Variants in CDH18 observed in about 807,000 individuals in gnomAD.
CDH18 encodes the protein cadherin-18.
A neutral mutation model predicts 67.9 loss-of-function variants in CDH18; 31 were observed. That is an observed-to-expected ratio of 0.46 (90% CI 0.34 to 0.62). CDH18 has a LOEUF of 0.62. Among genes scored for constraint, CDH18 ranks in the 20% least tolerant of loss-of-function variants. CDH18 has a pLI of 0.01. For missense variants in CDH18, 890 were observed against 975.5 expected, an observed-to-expected ratio of 0.91 and a Z score of 1.17; for synonymous variants, 362 against 347.2, an observed-to-expected ratio of 1.04 and a Z score of -0.48.
intron 3 of CDH18, among the ~76,000 whole-genome samples, chr5:19,775,236 A>G (rs531310684): frequency 4.6e-4 from 70 of 152,326 alleles, no homozygotes; most frequent in African/African-American, 1.5e-3. Context: ...CCAACATTGG[A>G]GAAAGAGTTG....
chr5:20,339,793 C>G (rs1317932211), intron 1 of CDH18, among the ~76,000 whole-genome samples: 2 of 152,140 alleles, frequency 1.3e-5, no homozygotes, highest in Non-Finnish European at 2.9e-5. Flanking sequence ...TATATAGAAG[C>G]TTTCCAGAAC....
At chr5:19,584,132 G>C (rs1743714970) in intron 7 of CDH18, among the ~76,000 whole-genome samples, 1 of 152,196 alleles carries the variant, frequency 6.6e-6, no homozygotes, top group Non-Finnish European at 1.5e-5. Flanking sequence ...AGAGGTTTAT[G>C]TCAGAGGAAA....
chr5:20,365,878 T>C (rs1313844354), intron 1 of CDH18, among the ~76,000 whole-genome samples: 2 of 152,196 alleles, frequency 1.3e-5, no homozygotes, highest in Non-Finnish European at 2.9e-5. Context: ...TTTCAAGGCA[T>C]CATTTTGCTA....
chr5:19,702,500 T>TCACAC (rs1371848615), intron 5 of CDH18, among the ~76,000 whole-genome samples: 3 of 149,938 alleles, frequency 2.0e-5, no homozygotes, highest in Non-Finnish European at 3.0e-5. Flanking sequence ...GCGTGGTGGC[T>TCACAC]CACACCTGTA....
At chr5:19,826,864 T>A (rs1485069637) in intron 3 of CDH18, among the ~76,000 whole-genome samples, 1 of 152,100 alleles carries the variant, frequency 6.6e-6, no homozygotes, top group East Asian at 1.9e-4. Context: ...AATGACAGGA[T>A]GAAACCTGCA....
chr5:19,757,260 G>C (rs1771728081), intron 3 of CDH18, among the ~76,000 whole-genome samples: 1 of 152,172 alleles, frequency 6.6e-6, no homozygotes. Context: ...CAGAGTAAGT[G>C]TCTATTCCAG....
chr5:19,506,844 G>A (rs1243778754), intron 10 of CDH18, among the ~76,000 whole-genome samples: 1 of 152,182 alleles, frequency 6.6e-6, no homozygotes, highest in Non-Finnish European at 1.5e-5. Context: ...ATAGGCATGG[G>A]CAAGGACTTC....
At chr5:20,462,561 T>C (rs1352090146) in intron 1 of CDH18, among the ~76,000 whole-genome samples, 2 of 152,218 alleles carry the variant, frequency 1.3e-5, no homozygotes, top group African/African-American at 4.8e-5. Flanking sequence ...ATACCCTGAC[T>C]TGATAATTAT....
chr5:19,861,237 G>T (rs920676375), intron 2 of CDH18, among the ~76,000 whole-genome samples: 27 of 151,970 alleles, frequency 1.8e-4, no homozygotes, highest in Admixed American at 1.2e-3. Context: ...TTAACTATTG[G>T]ACTTTAATTT....
At chr5:20,111,507 TTCCC>T (rs1213839152) in intron 2 of CDH18, among the ~76,000 whole-genome samples, 4,527 of 145,644 alleles carry the variant, frequency 0.031, 283 homozygotes, top group African/African-American at 0.11. Flanking sequence ...TCTTCCTTCC[TTCCC>T]TCCCTCCCTC....
chr5:19,523,972 ATG>A (rs1335801851), intron 9 of CDH18, among the ~76,000 whole-genome samples: 1 of 152,096 alleles, frequency 6.6e-6, no homozygotes, highest in African/African-American at 2.4e-5. Context: ...GTTCTCAGAA[ATG>A]TGTCAGAAGA....
At chr5:20,311,079 C>T (rs1273962201) in intron 1 of CDH18, among the ~76,000 whole-genome samples, 1 of 151,834 alleles carries the variant, frequency 6.6e-6, no homozygotes, top group Non-Finnish European at 1.5e-5. Context: ...CACCCCTGAC[C>T]CTTAAAAAAC....
chr5:19,775,532 A>G (rs1430171854), intron 3 of CDH18, among the ~76,000 whole-genome samples: 1 of 151,650 alleles, frequency 6.6e-6, no homozygotes, highest in African/African-American at 2.4e-5. Context: ...CAGGAGCGAG[A>G]GAAAGACAGT....
intron 3 of CDH18, among the ~76,000 whole-genome samples, chr5:19,813,932 G>A (rs2149909605): frequency 6.6e-6 from 1 of 151,642 alleles, no homozygotes; most frequent in Middle Eastern, 3.4e-3. Context: ...AGTCTATTGA[G>A]AACAAATAAA....
At chr5:20,232,135 C>G (rs921873280) in intron 2 of CDH18, among the ~76,000 whole-genome samples, 1 of 151,786 alleles carries the variant, frequency 6.6e-6, no homozygotes, top group African/African-American at 2.4e-5. Context: ...TCATTCCTCA[C>G]ATTTTTGTTT....
chr5:19,978,205 T>C (rs1187535329), intron 2 of CDH18, among the ~76,000 whole-genome samples: 2 of 152,140 alleles, frequency 1.3e-5, no homozygotes, highest in Non-Finnish European at 2.9e-5. Flanking sequence ...TAATAATATA[T>C]AATTACTAGA....
At chr5:19,881,747 C>T (rs1787670512) in intron 2 of CDH18, among the ~76,000 whole-genome samples, 1 of 151,978 alleles carries the variant, frequency 6.6e-6, no homozygotes, top group African/African-American at 2.4e-5. Context: ...CTCAGGTGAT[C>T]CACCCGCCTC....
chr5:20,009,795 A>T (rs1196753316), intron 2 of CDH18, among the ~76,000 whole-genome samples: 1 of 152,170 alleles, frequency 6.6e-6, no homozygotes, highest in African/African-American at 2.4e-5. Context: ...TTATAGATGA[A>T]TAATGCCAAT....
intron 1 of CDH18, among the ~76,000 whole-genome samples, chr5:20,279,722 A>AAAAAAAAAAAAAAAAAAAAAT (rs1746090156): frequency 6.7e-6 from 1 of 148,948 alleles, no homozygotes. Context: ...AAAAAAAAAA[A>AAAAAAAAAAAAAAAAAAAAAT]AAAAAAGCAA....
Sources: gnomAD v4.1 joint callset for allele counts (sites outside exome capture counted in the v4.1 genomes callset) on GRCh38, gnomAD v4.1.1 for gene constraint, MANE v1.5 for transcripts, NCBI Gene and HGNC (gene_info 2026-07-23, HGNC 2026-07-21) for gene names.